The following JAK1 variants were observed in gnomAD, a reference collection of about 807,000 sequenced individuals.
JAK1 encodes Janus kinase 1.
JAK1 carries 16 observed loss-of-function variants against 136.6 expected under a neutral mutation model. That is an observed-to-expected ratio of 0.12 (90% CI 0.08 to 0.18). JAK1 has a LOEUF of 0.18. JAK1 is among the 10% of genes least tolerant of loss of function. The pLI, the probability that JAK1 is intolerant of heterozygous loss-of-function variation, is 1.00. For synonymous variants in JAK1, 492 were observed against 519.5 expected, an observed-to-expected ratio of 0.95 and a Z score of 0.72; for missense variants, 859 against 1,450.1, an observed-to-expected ratio of 0.59 and a Z score of 6.62.
intron 1 of JAK1, among the ~76,000 whole-genome samples, chr1:64,889,104 G>A (rs528525889): frequency 1.3e-5 from 2 of 152,258 alleles, no homozygotes; most frequent in African/African-American, 4.8e-5. Context: ...AAATAAACCA[G>A]ACAATGTGAT....
rs570656294 is a variant in JAK1, at chr1:65,047,778, C to G, written c.-180-3196G>C. On this transcript the variant is annotated intron_variant, in intron 1 of 25. Coordinates refer to the JAK1 transcript ENST00000671954. ...CTTACATTCTAGTGGAGTCAGGCAG[C>G]GTTAAACACAGTAAGTATACTGAAG... Among the ~76,000 whole-genome samples the G allele has an allele frequency of 7.2e-5, 11 of 151,852 alleles. No homozygotes were observed. The South Asian group carries it at 2.1e-3, about 29-fold the overall frequency.
intron 2 of JAK1, among the ~76,000 whole-genome samples, chr1:65,038,355 C>A (rs1016433779): frequency 6.6e-6 from 1 of 151,710 alleles, no homozygotes; most frequent in Admixed American, 6.6e-5. Context: ...TGTGCCACCA[C>A]GCCCAGCTAA....
intron 2 of JAK1, among the ~76,000 whole-genome samples, chr1:65,028,151 CTA>C (rs1422519825): frequency 6.6e-6 from 1 of 152,074 alleles, no homozygotes; most frequent in African/African-American, 2.4e-5. Context: ...TTTCCCTCAG[CTA>C]CACTAATAAC....
At chr1:64,962,196 T>C (rs1646293773) in intron 1 of JAK1, among the ~76,000 whole-genome samples, 1 of 152,240 alleles carries the variant, frequency 6.6e-6, no homozygotes, top group Non-Finnish European at 1.5e-5. Flanking sequence ...TGTCTGTCTA[T>C]TCACTCTCTG....
chr1:64,934,758 T>C (rs1645759000), intron 1 of JAK1, among the ~76,000 whole-genome samples: 1 of 152,256 alleles, frequency 6.6e-6, no homozygotes, highest in Non-Finnish European at 1.5e-5. Flanking sequence ...CACAGTACTT[T>C]GTTAAACACA....
intron 2 of JAK1, among the ~76,000 whole-genome samples, chr1:64,988,879 C>T (rs772619700): frequency 6.7e-6 from 1 of 149,180 alleles, no homozygotes; most frequent in Non-Finnish European, 1.5e-5. Flanking sequence ...AAAGAGTGAG[C>T]CCCTAACTAA....
intron 2 of JAK1, among the ~76,000 whole-genome samples, chr1:65,006,332 TTTAA>T (rs1210510508): frequency 6.6e-6 from 1 of 152,218 alleles, no homozygotes; most frequent in Non-Finnish European, 1.5e-5. Flanking sequence ...ATGGCTTTTC[TTTAA>T]TTAAAACGGC....
intron 2 of JAK1, among the ~76,000 whole-genome samples, chr1:64,991,074 A>C (rs1220812624): frequency 1.3e-5 from 2 of 152,190 alleles, no homozygotes; most frequent in Admixed American, 1.3e-4. Context: ...AAATGTGGAC[A>C]TAAAACTAAA....
intron 2 of JAK1, chr1:64,989,483 G>C (rs74435468): frequency 0.097 from 14,812 of 152,024 alleles, 903 homozygotes; most frequent in East Asian, 0.27. Flanking sequence ...CATGGGAGTG[G>C]GGTCCCTGGT....
chr1:64,850,859 A>G lies in JAK1; in HGVS notation c.1700T>C (p.Val567Ala). 2 of 1,614,088 alleles carry G rather than the reference A, an allele frequency of 1.2e-6. No homozygotes were observed. Among genetic ancestry groups the G allele is most frequent in the Non-Finnish European group, 1.7e-6 (2 of 1,180,000 alleles). ...ATKKAQEWQP[V>A]YPMSQLSFDR... is the part of the protein sequence containing the mutation. Reference sequence around the variant, plus strand: ...GAAACTCAGCTGGCTCATGGGGTAGACGGGCTGCCACTCCTGGGCTTTCTT... The same window carrying G: ...GAAACTCAGCTGGCTCATGGGGTAGGCGGGCTGCCACTCCTGGGCTTTCTT... Residue 567 changes from valine (V) to alanine (A), a missense_variant, in exon 12 of 25, where the codon GTC becomes GCC. Physicochemically the swap from Val to Ala is moderately conservative, Grantham distance 64. Coordinates refer to ENST00000342505, the MANE Select transcript of JAK1 (RefSeq NM_002227.4).
At chr1:64,909,216 C>T (rs1187602828) in intron 1 of JAK1, among the ~76,000 whole-genome samples, 1 of 152,144 alleles carries the variant, frequency 6.6e-6, no homozygotes, top group East Asian at 1.9e-4. Context: ...TCCTAGTTTT[C>T]GGGAAGCTTG....
At chr1:65,049,181 GGAGGCT>G (rs1297400953) in intron 1 of JAK1, among the ~76,000 whole-genome samples, 1 of 152,168 alleles carries the variant, frequency 6.6e-6, no homozygotes, top group Non-Finnish European at 1.5e-5. Flanking sequence ...CAGTACTTTG[GGAGGCT>G]GAGGCGGGAA....
chr1:64,872,258 A>C (rs2151572), intron 5 of JAK1, among the ~76,000 whole-genome samples: 8,028 of 152,326 alleles, frequency 0.053, 336 homozygotes, highest in Admixed American at 0.14. Context: ...AGGGCAGGCC[A>C]TCACAGCAAA....
chr1:64,847,664 A>G lies in JAK1; in HGVS notation c.1767T>C (p.Leu589=). 6.2e-7 allele frequency: 1 copy of G among 1,614,020 alleles called. No homozygotes were observed. The highest frequency in any genetic ancestry group is 1.7e-4 in the Middle Eastern group (1 of 6,030). ...AGATGTGTGTTCTCGTGCCTCTCCC[A>G]AGGTGCTCGCCCTGAGGGAAGAAGC... The part of the protein sequence containing the change: ...LKKDLVQGEH[L]GRGTRTHIYS... The change falls in exon 13 of 25, where the codon CTT becomes CTC. Residue 589 remains leucine, a synonymous_variant. Transcript: ENST00000342505.
intron 14 of JAK1, among the ~76,000 whole-genome samples, chr1:64,846,016 G>A (rs377579896): frequency 1.7e-4 from 26 of 152,300 alleles, no homozygotes; most frequent in South Asian, 1.5e-3. Context: ...AGGTCAGGCC[G>A]CTCACACGGC....
chr1:64,845,866 A>T (rs911859779), intron 14 of JAK1, among the ~76,000 whole-genome samples: 8 of 152,174 alleles, frequency 5.3e-5, no homozygotes, highest in African/African-American at 1.7e-4. Context: ...TCTGAGCCTC[A>T]ATTCCCTCAT....
chr1:64,911,020 C>A (rs774555426), intron 1 of JAK1, among the ~76,000 whole-genome samples: 2 of 149,402 alleles, frequency 1.3e-5, no homozygotes, highest in Non-Finnish European at 3.0e-5. Context: ...ATGCACCAAC[C>A]AAAATGGGCA....
intron 4 of JAK1, chr1:64,876,381 ATCTTTG>A (rs1217281482): frequency 6.6e-6 from 1 of 152,258 alleles, no homozygotes; most frequent in Non-Finnish European, 1.5e-5. Flanking sequence ...CTGTGGGACC[ATCTTTG>A]TCTTGGAAGC....
At chr1:64,839,215 T>C (rs961451690) in intron 20 of JAK1, among the ~76,000 whole-genome samples, 1 of 151,976 alleles carries the variant, frequency 6.6e-6, no homozygotes, top group Non-Finnish European at 1.5e-5. Context: ...GATGCTGGCT[T>C]GCAAATAAGA....
Sources: gnomAD v4.1 joint callset for allele counts (sites outside exome capture counted in the v4.1 genomes callset) on GRCh38, gnomAD v4.1.1 for gene constraint, MANE v1.5 for transcripts, NCBI Gene and HGNC (gene_info 2026-07-23, HGNC 2026-07-21) for gene names.